Variants in SKI observed in about 807,000 individuals in gnomAD.
SKI encodes the protein ski oncogene.
SKI carries 23 observed loss-of-function variants against 59.3 expected under a neutral mutation model. The ratio of observed to expected loss-of-function variants is 0.39; its 90% CI spans 0.28 to 0.55. The LOEUF is 0.55. Ranked by LOEUF, SKI falls within the 20% of genes least tolerant of loss-of-function variation. The probability of loss-of-function intolerance (pLI) is 0.67; values close to 1 mark genes in which losing one functional copy is unlikely to be tolerated. For synonymous variants in SKI, 673 were observed against 488.6 expected (o/e 1.38, Z -4.98); for missense variants, 1,017 against 1,038.9 (o/e 0.98, Z 0.29).
chr1:2,293,339 G>T (rs1432651124), intron 1 of SKI, among the ~76,000 whole-genome samples: 2 of 152,162 alleles, frequency 1.3e-5, no homozygotes, highest in African/African-American at 4.8e-5. Context: ...CACGGGCCCT[G>T]AGTGGTGTTG....
At chr1:2,277,657 C>G (rs533613710) in intron 1 of SKI, among the ~76,000 whole-genome samples, 9 of 150,194 alleles carry the variant, frequency 6.0e-5, no homozygotes, top group African/African-American at 2.0e-4. Context: ...GCACTGTGGG[C>G]GCACACACCT....
At chr1:2,284,361 G>T (rs1313460798) in intron 1 of SKI, among the ~76,000 whole-genome samples, 2 of 152,206 alleles carry the variant, frequency 1.3e-5, no homozygotes, top group African/African-American at 4.8e-5. Context: ...AGGTTCAGGT[G>T]ACCTGGCCTG....
In SKI at chr1:2,303,159, G is replaced by T. The variant is rs899783159; in HGVS notation, c.1095+56G>T. 1 of 1,610,350 alleles carries T rather than the reference G, an allele frequency of 6.2e-7. No individual in the cohort carries two copies. Among genetic ancestry groups the T allele is most frequent in the Non-Finnish European group, 8.5e-7 (1 of 1,178,492 alleles). ...TGGTGGGTACTGGGCCCTTCTCCTTGGGCAGACCCAGCGGCTGGCAGCTCC... is the reference window on the plus strand; with the variant it reads ...TGGTGGGTACTGGGCCCTTCTCCTTTGGCAGACCCAGCGGCTGGCAGCTCC... On this transcript the variant is annotated intron_variant, in intron 2 of 6. Coordinates refer to ENST00000378536, the MANE Select transcript of SKI (RefSeq NM_003036.4). The surrounding 1 kb of genome is among the most constrained non-coding windows in gnomAD (Gnocchi z 5.6).
At chr1:2,302,881 G>A (rs1640460022) in intron 1 of SKI, 97 bp from the exon 2 acceptor site, 21 of 1,517,186 alleles carry the variant, frequency 1.4e-5, no homozygotes, top group Non-Finnish European at 1.6e-5. Context: ...TGGCCGGAGT[G>A]CATGGGGCTC....
chr1:2,275,314 G>A lies in SKI; in HGVS notation c.970-27664G>A, dbSNP rs377450242. 6.7e-4 allele frequency among the ~76,000 whole-genome samples: 102 copies of A among 152,346 alleles called. 2 individuals are homozygous for A. The highest frequency in any genetic ancestry group is 2.4e-3 in the African/African-American group (99 of 41,598). ...TCTGTTTCTTGTAGTCACTGAGTTC[G>A]AGGTTCCCACAGGGAGGAGGCTTCC... On this transcript the variant is annotated intron_variant, in intron 1 of 6. Transcript: ENST00000378536.
At chr1:2,254,808 G>A (rs764441623) in intron 1 of SKI, among the ~76,000 whole-genome samples, 1 of 152,234 alleles carries the variant, frequency 6.6e-6, no homozygotes, top group Non-Finnish European at 1.5e-5. Context: ...CACCTGAGGC[G>A]TGCAGCCCCC....
Position 2,302,884 on chromosome 1 carries a change from T to G in SKI, c.970-94T>G, listed in dbSNP as rs1288999013. 2.0e-6 allele frequency: 3 copies of G among 1,535,950 alleles called. No individual in the cohort carries two copies. In the South Asian group the frequency reaches 3.4e-5, roughly 17 times the overall value. On this transcript the variant is annotated intron_variant, in intron 1 of 6. Coordinates refer to ENST00000378536, the MANE Select transcript of SKI (RefSeq NM_003036.4). ...CAGGGTCGTTTGTGGCCGGAGTGCA[T>G]GGGGCTCTGACTGCCATGTGCCAGC... is the stretch of plus-strand genomic sequence containing the variant.
At chr1:2,301,854 C>T (rs1344761645) in intron 1 of SKI, among the ~76,000 whole-genome samples, 1 of 152,258 alleles carries the variant, frequency 6.6e-6, no homozygotes, top group Non-Finnish European at 1.5e-5. Flanking sequence ...GGCCCCTTGC[C>T]CTGTGTGGCC....
At chr1:2,231,628 T>C (rs1638640126) in intron 1 of SKI, among the ~76,000 whole-genome samples, 1 of 152,200 alleles carries the variant, frequency 6.6e-6, no homozygotes, top group African/African-American at 2.4e-5. Context: ...TGCTCTGAAA[T>C]TTCATTTACC....
intron 1 of SKI, among the ~76,000 whole-genome samples, chr1:2,298,777 T>C (rs1057390519): frequency 9.9e-5 from 15 of 152,216 alleles, no homozygotes; most frequent in African/African-American, 3.1e-4. Flanking sequence ...AATGGGGCCT[T>C]CTTTGATCAT....
intron 1 of SKI, among the ~76,000 whole-genome samples, chr1:2,230,071 C>T (rs1041851389): frequency 1.3e-5 from 2 of 152,226 alleles, no homozygotes; most frequent in South Asian, 2.1e-4. Flanking sequence ...AGAAAGCGGC[C>T]TGCCCCAGGT....
intron 1 of SKI, among the ~76,000 whole-genome samples, chr1:2,292,569 C>G (rs1041022864): frequency 4.6e-5 from 7 of 152,188 alleles, no homozygotes; most frequent in Non-Finnish European, 8.8e-5. Context: ...GTGGGGGCAG[C>G]TCTGATGGAG....
rs547526521 is a variant in SKI at position 2,259,776 on chromosome 1, C to T, written c.969+30041C>T. The stretch of plus-strand genomic sequence containing the variant: ...TTCGTTGCCTTCCTTAGAGCTTTGT[C>T]TAAATGAAATCCTACAATATGTTCT... On this transcript the variant is annotated intron_variant, in intron 1 of 6. Coordinates refer to ENST00000378536, the MANE Select transcript of SKI (RefSeq NM_003036.4). Among the ~76,000 whole-genome samples, 67 of 152,334 alleles carry T rather than the reference C, an allele frequency of 4.4e-4. No individual in the cohort carries two copies. The South Asian group carries it at 0.013, about 30-fold the overall frequency.
At chr1:2,288,175 T>C (rs919630230) in intron 1 of SKI, among the ~76,000 whole-genome samples, 4 of 152,060 alleles carry the variant, frequency 2.6e-5, no homozygotes, top group African/African-American at 9.7e-5. Flanking sequence ...TTAGTAGAGA[T>C]GGGGTTTCTC....
rs779798811 is a variant in SKI at position 2,303,120 on chromosome 1, C to T, written c.1095+17C>T. 35 of 1,612,860 alleles carry T rather than the reference C, an allele frequency of 2.2e-5. No homozygotes were observed. The highest frequency in any genetic ancestry group is 1.6e-4 in the South Asian group (15 of 91,054). ...TCCAATAAGGTGCTGTGGGGCCTGTCGGGGTCCTTGGGGTGGTGGGTACTG... is the reference window on the plus strand; with the variant it reads ...TCCAATAAGGTGCTGTGGGGCCTGTTGGGGTCCTTGGGGTGGTGGGTACTG... On this transcript the variant is annotated intron_variant, in intron 2 of 6. Coordinates refer to ENST00000378536, the MANE Select transcript of SKI (RefSeq NM_003036.4). This position sits in a 1 kb window ranked among gnomAD's most constrained non-coding sequence, Gnocchi z 5.6.
intron 1 of SKI, among the ~76,000 whole-genome samples, chr1:2,300,732 G>A (rs1481849453): frequency 6.6e-6 from 1 of 152,228 alleles, no homozygotes; most frequent in Non-Finnish European, 1.5e-5. Flanking sequence ...GGGGTCGGCA[G>A]GGGTCTTAAC....
rs1639813587 is a variant in SKI at position 2,279,157 on chromosome 1, ACT to A, written c.970-23817_970-23816del. Among the ~76,000 whole-genome samples the A allele has an allele frequency of 3.3e-5, 5 of 151,722 alleles. No individual in the cohort carries two copies. In the South Asian group the frequency reaches 1.0e-3, roughly 32 times the overall value. On this transcript the variant is annotated intron_variant, in intron 1 of 6. Coordinates refer to ENST00000378536, the MANE Select transcript of SKI (RefSeq NM_003036.4). ...CCTCCACCGCCCCATTGGGCGCCTGACTCTCAGGGCGCAGTCAGTTCTTTGGG... is the reference window on the plus strand; with the variant it reads ...CCTCCACCGCCCCATTGGGCGCCTGACTCAGGGCGCAGTCAGTTCTTTGGG...
At chr1:2,271,543 G>C (rs574904720) in intron 1 of SKI, among the ~76,000 whole-genome samples, 1 of 152,110 alleles carries the variant, frequency 6.6e-6, no homozygotes, top group Non-Finnish European at 1.5e-5. Flanking sequence ...GGCTGCCCTC[G>C]GCAGGGGCTT....
intron 1 of SKI, among the ~76,000 whole-genome samples, chr1:2,290,926 A>C (rs1407685781): frequency 6.6e-6 from 1 of 152,222 alleles, no homozygotes; most frequent in Non-Finnish European, 1.5e-5. Context: ...CTCTTTCTGC[A>C]GCGTTTCCTC....
Sources: allele counts gnomAD v4.1 joint callset (sites outside exome capture counted in the v4.1 genomes callset), GRCh38; gene constraint gnomAD v4.1.1; non-coding constraint Gnocchi (gnomAD v3.1); transcripts MANE v1.5; gene names NCBI Gene and HGNC (gene_info 2026-07-23, HGNC 2026-07-21).